The following STOML3 variants were observed in gnomAD, a reference collection of about 807,000 sequenced individuals.
STOML3 encodes the protein stomatin like 3, also known as stomatin-like protein 3.
A neutral mutation model predicts 29.5 loss-of-function variants in STOML3; 31 were observed. The ratio of observed to expected loss-of-function variants is 1.05; its 90% confidence interval spans 0.79 to 1.42. The LOEUF is 1.42. STOML3 is among the 40% of genes most tolerant of loss of function. STOML3 has a pLI of 0.00. For synonymous variants in STOML3, 122 were observed against 139.8 expected (o/e 0.87, Z 0.90); for missense variants, 380 against 363.0 (o/e 1.05, Z -0.38).
chr13:38,972,656 T>C (rs558007256), intron 3 of STOML3, 62 bp from the exon 4 acceptor site: 2 of 1,422,220 alleles, frequency 1.4e-6, no homozygotes, highest in Non-Finnish European at 2.0e-6. Flanking sequence ...AGTAGTCTCA[T>C]AGCAGCATAG....
At chr13:38,970,790 A>G (rs886126334) in intron 4 of STOML3, among the ~76,000 whole-genome samples, 1 of 152,134 alleles carries the variant, frequency 6.6e-6, no homozygotes, top group African/African-American at 2.4e-5. Flanking sequence ...TTTTTATCAG[A>G]CTTGAAGCAG....
intron 1 of STOML3, among the ~76,000 whole-genome samples, chr13:38,987,753 A>C (rs1345680002): frequency 1.6e-5 from 2 of 122,576 alleles, no homozygotes; most frequent in Non-Finnish European, 3.2e-5. Flanking sequence ...AATATATAGT[A>C]TGTATATTAT....
rs1235435494 is a variant in STOML3 at position 38,972,572 on chromosome 13, G to A, written c.252C>T (p.Cys84=). 2 of 1,613,992 alleles carry A rather than the reference G, an allele frequency of 1.2e-6. No individual in the cohort carries two copies. Among genetic ancestry groups the A allele is most frequent in the Admixed American group, 3.3e-5 (2 of 60,016 alleles). Residue 84 remains cysteine (C), a synonymous_variant, in exon 4 of 7, where the codon TGC becomes TGT. Coordinates refer to ENST00000379631, the MANE Select transcript of STOML3 (RefSeq NM_145286.3). The part of the protein sequence containing the change: ...KGPGLILVLP[C]IDVFVKVDLR... The stretch of plus-strand genomic sequence containing the variant: ...GGTCAACTTTGACAAACACATCTAT[G>A]CATGGCAGGACCAGGATCAAACCTA...
chr13:38,970,855 C>T (rs1241671896), intron 4 of STOML3, among the ~76,000 whole-genome samples: 6 of 152,184 alleles, frequency 3.9e-5, no homozygotes, highest in East Asian at 1.9e-4. Context: ...AAATCGATTT[C>T]GCTCTATGGA....
At chr13:38,983,594 G>T (rs1881340805) in intron 1 of STOML3, among the ~76,000 whole-genome samples, 1 of 152,144 alleles carries the variant, frequency 6.6e-6, no homozygotes, top group Non-Finnish European at 1.5e-5. Context: ...GACATTATAA[G>T]CTCCTTCAGA....
chr13:38,982,996 A>T (rs6563660), intron 1 of STOML3, among the ~76,000 whole-genome samples: 49,672 of 151,986 alleles, frequency 0.33, 9,912 homozygotes, highest in African/African-American at 0.57. Flanking sequence ...TCAGATTCAC[A>T]GAGCCAGACA....
At chr13:38,979,402 C>T (rs1387727739) in intron 1 of STOML3, among the ~76,000 whole-genome samples, 1 of 152,124 alleles carries the variant, frequency 6.6e-6, no homozygotes, top group East Asian at 1.9e-4. Context: ...CTCCTCAGTC[C>T]CACTTTTATC....
intron 1 of STOML3, among the ~76,000 whole-genome samples, chr13:38,983,368 G>A (rs1881331555): frequency 6.6e-6 from 1 of 152,110 alleles, no homozygotes; most frequent in South Asian, 2.1e-4. Context: ...GTCTTCCTTG[G>A]CCATTTAACT....
At chr13:38,972,024 T>C (rs1051101011) in intron 4 of STOML3, among the ~76,000 whole-genome samples, 2 of 152,222 alleles carry the variant, frequency 1.3e-5, no homozygotes, top group African/African-American at 4.8e-5. Context: ...CTGCCCCCTC[T>C]ATTGCATCCA....
chr13:38,968,322 T>A, intron 6 of STOML3, 78 bp downstream of exon 6: 3 of 1,534,396 alleles, frequency 2.0e-6, no homozygotes, highest in Non-Finnish European at 2.7e-6. Context: ...ACAGACCCAA[T>A]CTTCTGTTCA....
At chr13:38,979,947 G>A in intron 1 of STOML3, 1 of 1,134,130 alleles carries the variant, frequency 8.8e-7, no homozygotes, top group Non-Finnish European at 1.3e-6. Flanking sequence ...CAGGACACCA[G>A]CTGTGCTTAA....
intron 1 of STOML3, chr13:38,980,262 A>AG: frequency 1.2e-6 from 1 of 844,960 alleles, no homozygotes; most frequent in South Asian, 1.7e-5. Flanking sequence ...TGCCAGTTAA[A>AG]GTGGGGCTGT....
chr13:38,990,751 A>T lies in STOML3; in HGVS notation c.-30T>A. On this transcript the variant is annotated 5_prime_UTR_variant, in exon 1 of 7. Coordinates refer to ENST00000379631, the MANE Select transcript of STOML3 (RefSeq NM_145286.3). The stretch of plus-strand genomic sequence containing the variant: ...TTCTTGAGAAGCTTTTATACTTGGC[A>T]ATTTTTCATGGGTTTGGAGCTAAGT... 1 of 1,611,022 alleles carries T rather than the reference A, an allele frequency of 6.2e-7. No individual in the cohort carries two copies. The highest frequency in any genetic ancestry group is 8.5e-7 in the Non-Finnish European group (1 of 1,177,740).
chr13:38,966,902 GA>G lies in STOML3; in HGVS notation c.798del (p.Pro267LeufsTer4), dbSNP rs774003104. On this transcript the variant is annotated frameshift_variant, in exon 7 of 7. Transcript: ENST00000379631. LOFTEE classifies it high-confidence loss of function. ...CCCTCTAGTATATTCATGGGCAGAG[GA>G]AACACAATCGTAGAATTCTTCTCGG... The part of the protein sequence containing the change: ...VATEKNSTIV[F>X]PLPMNILEGI... The G allele has an allele frequency of 6.2e-7, 1 of 1,614,020 alleles. No individual in the cohort carries two copies. Among genetic ancestry groups the G allele is most frequent in the Non-Finnish European group, 8.5e-7 (1 of 1,180,008 alleles).
At chr13:38,984,307 A>G (rs1593507344) in intron 1 of STOML3, among the ~76,000 whole-genome samples, 1 of 152,096 alleles carries the variant, frequency 6.6e-6, no homozygotes, top group Admixed American at 6.6e-5. Flanking sequence ...TGTGTTCCTC[A>G]GCCCCCTTCT....
chr13:38,966,728 A>G lies in STOML3; in HGVS notation c.*97T>C, dbSNP rs927363799. On this transcript the variant is annotated 3_prime_UTR_variant, in exon 7 of 7. Transcript: ENST00000379631. ...CTTCCATCTATGGAGTTACTGTTAC[A>G]TGAACAGTGTTGGAATTCTCACCGT... is the stretch of plus-strand genomic sequence containing the variant. The G allele has an allele frequency of 4.0e-6, 4 of 1,006,448 alleles. No individual in the cohort carries two copies. In the African/African-American group the frequency reaches 4.8e-5, roughly 12 times the overall value. The allele number at this position is 1,006,448 out of a possible 1,614,324, so 62.3% of individuals were successfully genotyped here. A position where few individuals can be genotyped will look rare whatever the true frequency, so the allele number is the denominator to read the frequency against.
chr13:38,970,884 T>C (rs575404051), intron 4 of STOML3, among the ~76,000 whole-genome samples: 1 of 152,246 alleles, frequency 6.6e-6, no homozygotes, highest in South Asian at 2.1e-4. Flanking sequence ...GCATCAATCA[T>C]TCTGAATAAT....
At chr13:38,979,066 T>C (rs1377617616) in intron 1 of STOML3, among the ~76,000 whole-genome samples, 1 of 152,238 alleles carries the variant, frequency 6.6e-6, no homozygotes, top group Non-Finnish European at 1.5e-5. Context: ...AATAACTACA[T>C]TTTAGATACA....
At chr13:38,988,885 A>T (rs1247871222) in intron 1 of STOML3, among the ~76,000 whole-genome samples, 2 of 142,410 alleles carry the variant, frequency 1.4e-5, no homozygotes, top group African/African-American at 5.2e-5. Flanking sequence ...ATATATTATT[A>T]CATATTATAT....
Sources: gnomAD v4.1 joint callset for allele counts (sites outside exome capture counted in the v4.1 genomes callset) on GRCh38, gnomAD v4.1.1 for gene constraint, MANE v1.5 for transcripts, NCBI Gene and HGNC (gene_info 2026-07-23, HGNC 2026-07-21) for gene names.